CDH11: variants seen among roughly 807,000 people sequenced by gnomAD.
The protein encoded by CDH11 is cadherin-11.
In CDH11, 11 loss-of-function variants were observed where a neutral mutation model predicts 67.8. The ratio of observed to expected loss-of-function variants is 0.16; its 90% CI spans 0.10 to 0.27. The LOEUF (loss-of-function observed/expected upper bound fraction) is 0.27. CDH11 is among the 10% of genes least tolerant of loss of function. The probability of loss-of-function intolerance (pLI) is 1.00; values close to 1 mark genes in which losing one functional copy is unlikely to be tolerated. For synonymous variants in CDH11, 419 were observed against 400.0 expected (o/e 1.05, Z -0.57); for missense variants, 847 against 1,031.2 (o/e 0.82, Z 2.45).
intron 6 of CDH11, among the ~76,000 whole-genome samples, chr16:64,989,581 G>A (rs545045032): frequency 3.3e-4 from 51 of 152,282 alleles, no homozygotes; most frequent in Non-Finnish European, 6.3e-4. Context: ...AGAGGAGCAA[G>A]AGGAGGAGAG....
intron 11 of CDH11, among the ~76,000 whole-genome samples, chr16:64,955,559 C>T (rs932635748): frequency 5.9e-5 from 9 of 152,006 alleles, no homozygotes; most frequent in Non-Finnish European, 1.2e-4. Flanking sequence ...GGCAACATAG[C>T]GAGACCTTGT....
chr16:64,949,587 T>C (rs761663190), intron 12 of CDH11, among the ~76,000 whole-genome samples: 4 of 151,964 alleles, frequency 2.6e-5, no homozygotes, highest in Non-Finnish European at 5.9e-5. Context: ...CCAACACACC[T>C]GAATAATTTT....
chr16:65,116,289 TCTCA>T (rs1186900547), intron 1 of CDH11, among the ~76,000 whole-genome samples: 2 of 152,182 alleles, frequency 1.3e-5, no homozygotes, highest in African/African-American at 4.8e-5. Flanking sequence ...TACCCTAAAT[TCTCA>T]CTGTTTGCTC....
chr16:64,977,606 G>T (rs967936950), intron 8 of CDH11, among the ~76,000 whole-genome samples: 1 of 152,196 alleles, frequency 6.6e-6, no homozygotes, highest in African/African-American at 2.4e-5. Context: ...TGCACAAAGA[G>T]AATATAGTAA....
At chr16:64,966,376 A>G (rs1206672489) in intron 11 of CDH11, among the ~76,000 whole-genome samples, 1 of 152,044 alleles carries the variant, frequency 6.6e-6, no homozygotes, top group Non-Finnish European at 1.5e-5. Context: ...CTGAAAAATA[A>G]TTCTAAATTA....
chr16:65,094,003 C>T (rs1486579646), intron 1 of CDH11, among the ~76,000 whole-genome samples: 1 of 152,152 alleles, frequency 6.6e-6, no homozygotes, highest in Non-Finnish European at 1.5e-5. Context: ...GATGGACTCC[C>T]AATGATTGGC....
intron 11 of CDH11, among the ~76,000 whole-genome samples, chr16:64,958,874 G>A (rs1449954011): frequency 6.6e-6 from 1 of 152,060 alleles, no homozygotes. Context: ...ACAATCAGGG[G>A]TACTCATTCA....
At chr16:64,995,350 A>G (rs532877972) in intron 4 of CDH11, among the ~76,000 whole-genome samples, 1 of 152,316 alleles carries the variant, frequency 6.6e-6, no homozygotes, top group African/African-American at 2.4e-5. Flanking sequence ...CTATACTACA[A>G]GGCTACAGTA....
intron 11 of CDH11, among the ~76,000 whole-genome samples, chr16:64,970,311 A>G (rs2071969093): frequency 6.6e-6 from 1 of 152,210 alleles, no homozygotes; most frequent in Non-Finnish European, 1.5e-5. Flanking sequence ...ATAGACCCTC[A>G]AAATCCAAGC....
rs560639365 is a variant in CDH11 at position 64,946,932 on chromosome 16, A to C, written c.*671T>G. The C allele has an allele frequency of 3.5e-6, 3 of 864,066 alleles. No individual in the cohort carries two copies. The highest frequency in any genetic ancestry group is 1.8e-5 in the African/African-American group (1 of 55,424). 53.5% of individuals were successfully genotyped at this position (864,066 alleles called of 1,614,324 possible). The stretch of plus-strand genomic sequence containing the variant: ...TATTTATACGTATACTAAAATAAGA[A>C]CTTTAAAATTGTACAAATAGATACA... On this transcript the variant is annotated 3_prime_UTR_variant, in exon 13 of 13. Coordinates refer to ENST00000268603, the MANE Select transcript of CDH11 (RefSeq NM_001797.4).
intron 2 of CDH11, among the ~76,000 whole-genome samples, chr16:65,038,911 A>C (rs1190485955): frequency 2.0e-5 from 3 of 152,202 alleles, no homozygotes; most frequent in Non-Finnish European, 4.4e-5. Flanking sequence ...GAGAGAAAAG[A>C]AGTGAGGACA....
intron 2 of CDH11, among the ~76,000 whole-genome samples, chr16:65,035,060 G>A (rs955279515): frequency 2.0e-5 from 3 of 152,200 alleles, no homozygotes; most frequent in African/African-American, 4.8e-5. Context: ...GCTGGGAGGC[G>A]GGGCTGGGGA....
rs1443768287 is a variant in CDH11 at position 65,002,193 on chromosome 16, C to T, written c.228+2449G>A. 4.6e-5 allele frequency among the ~76,000 whole-genome samples: 7 copies of T among 152,172 alleles called. No homozygotes were observed. In the East Asian group the frequency reaches 5.8e-4, roughly 13 times the overall value. On this transcript the variant is annotated intron_variant, in intron 3 of 12. Transcript: ENST00000268603. ...TCATGTACCTAGCTTTTGAAGGTCA[C>T]ACACCATGAATAATACTAGTTTTCC...
chr16:65,121,622 G>A lies in CDH11; in HGVS notation c.-298+258C>T, dbSNP rs2075332183. Among the ~76,000 whole-genome samples, 1 of 152,222 alleles carries A rather than the reference G, an allele frequency of 6.6e-6. No individual in the cohort carries two copies. The highest frequency in any genetic ancestry group is 2.4e-5 in the African/African-American group (1 of 41,464). ...GACCCCACAGGAGGCCGGAGCCAGGGAGAGTCGTGGAGCGCACATCTGAAG... is the reference window on the plus strand; with the variant it reads ...GACCCCACAGGAGGCCGGAGCCAGGAAGAGTCGTGGAGCGCACATCTGAAG... On this transcript the variant is annotated intron_variant, in intron 1 of 12. Transcript: ENST00000268603. The surrounding 1 kb of genome is among the most constrained non-coding windows in gnomAD (Gnocchi z 4.1).
chr16:65,071,641 T>C (rs977738681), intron 1 of CDH11, among the ~76,000 whole-genome samples: 1 of 152,284 alleles, frequency 6.6e-6, no homozygotes, highest in East Asian at 1.9e-4. Flanking sequence ...AATCTGGCGA[T>C]GGGATCCAGT....
At chr16:65,013,346 A>T (rs1237361686) in intron 2 of CDH11, among the ~76,000 whole-genome samples, 2 of 152,168 alleles carry the variant, frequency 1.3e-5, no homozygotes, top group Admixed American at 1.3e-4. Context: ...GTCGGGGTTG[A>T]CAGGAGCCGA....
chr16:65,057,400 G>C (rs2074161576), intron 1 of CDH11, among the ~76,000 whole-genome samples: 1 of 152,106 alleles, frequency 6.6e-6, no homozygotes, highest in Non-Finnish European at 1.5e-5. Flanking sequence ...CATTGTGCTT[G>C]GCTGCCCACA....
At chr16:65,117,060 T>G (rs1447137214) in intron 1 of CDH11, among the ~76,000 whole-genome samples, 1 of 152,252 alleles carries the variant, frequency 6.6e-6, no homozygotes, top group African/African-American at 2.4e-5. Flanking sequence ...TCACAAGAGC[T>G]TAGAATTTAA....
chr16:65,032,753 T>A (rs1567539067), intron 2 of CDH11, among the ~76,000 whole-genome samples: 1 of 152,200 alleles, frequency 6.6e-6, no homozygotes, highest in East Asian at 1.9e-4. Flanking sequence ...CTCTGTGAAA[T>A]TAAGGGCATT....
Sources: gnomAD v4.1 joint callset for allele counts (sites outside exome capture counted in the v4.1 genomes callset) on GRCh38, gnomAD v4.1.1 for gene constraint, Gnocchi (gnomAD v3.1) non-coding constraint, MANE v1.5 for transcripts, NCBI Gene and HGNC (gene_info 2026-07-23, HGNC 2026-07-21) for gene names.